Variants in MAF observed in about 807,000 individuals in gnomAD.
MAF encodes transcription factor Maf.
MAF carries 10 observed loss-of-function variants against 22.0 expected under a neutral mutation model. The observed-to-expected ratio is 0.45, with a 90% CI of 0.28 to 0.77. The LOEUF (loss-of-function observed/expected upper bound fraction) is 0.77, where lower values mean the gene tolerates loss of function less well. Among genes scored for constraint, MAF ranks in the 30% least tolerant of loss-of-function variants. The pLI is 0.12. For missense variants in MAF, 544 were observed against 548.4 expected (o/e 0.99, Z 0.08); for synonymous variants, 337 against 255.8 (o/e 1.32, Z -3.03).
At chr16:79,441,276 G>T in the MAF span, among the ~76,000 whole-genome samples, 1 of 152,182 alleles carries the variant, frequency 6.6e-6, no homozygotes, top group Admixed American at 6.5e-5. Context: ...ATTTTCCTAT[G>T]CTGGGAAGGC....
chr16:79,435,144 T>C, the MAF span, among the ~76,000 whole-genome samples: 1 of 152,138 alleles, frequency 6.6e-6, no homozygotes, highest in Non-Finnish European at 1.5e-5. Context: ...CTTACACATA[T>C]ACGCAGTACA....
chr16:79,471,937 G>A, the MAF span, among the ~76,000 whole-genome samples: 1 of 152,178 alleles, frequency 6.6e-6, no homozygotes, highest in African/African-American at 2.4e-5. Flanking sequence ...CTTGCTAAGT[G>A]CAGACATGCT....
chr16:79,417,060 T>G, the MAF span, among the ~76,000 whole-genome samples: 2 of 152,194 alleles, frequency 1.3e-5, no homozygotes, highest in African/African-American at 4.8e-5. Flanking sequence ...TGAGCCGAAC[T>G]CACAGACGGA....
rs1555530137 is a variant in MAF, at chr16:79,599,926, C to T, written c.-24G>A. The T allele has an allele frequency of 2.5e-6, 4 of 1,592,314 alleles. No homozygotes were observed. Among genetic ancestry groups the T allele is most frequent in the South Asian group, 2.2e-5 (2 of 90,776 alleles). On this transcript the variant is annotated 5_prime_UTR_variant, in exon 1 of 2. Coordinates refer to ENST00000326043, the MANE Select transcript of MAF (RefSeq NM_005360.5). ...ATTCTCCTGCCGCCGCCGCCGCCGC[C>T]GCCGCCGCTCCGCCAGATGGGCTGC...
the MAF span, among the ~76,000 whole-genome samples, chr16:79,277,241 C>T: frequency 6.6e-6 from 1 of 152,128 alleles, no homozygotes; most frequent in African/African-American, 2.4e-5. Flanking sequence ...AACCTGATTA[C>T]ATCTGCAAAG....
chr16:79,396,719 A>G, the MAF span, among the ~76,000 whole-genome samples: 9 of 152,210 alleles, frequency 5.9e-5, no homozygotes, highest in Non-Finnish European at 1.3e-4. Context: ...TCACTGGAGC[A>G]TCTTTCAAAC....
the MAF span, among the ~76,000 whole-genome samples, chr16:79,514,062 AT>A: frequency 3.3e-4 from 50 of 152,260 alleles, no homozygotes; most frequent in Admixed American, 6.5e-4. Flanking sequence ...CTTCCCCTAC[AT>A]TTTAGTAAGT....
At chr16:79,557,801 T>C in the MAF span, among the ~76,000 whole-genome samples, 2 of 151,954 alleles carry the variant, frequency 1.3e-5, no homozygotes, top group Non-Finnish European at 2.9e-5. Flanking sequence ...GGCAAAGATA[T>C]AAGATGAGAA....
At chr16:79,537,547 G>A in the MAF span, among the ~76,000 whole-genome samples, 12 of 152,278 alleles carry the variant, frequency 7.9e-5, no homozygotes, top group East Asian at 1.9e-3. Flanking sequence ...GTTCCTGACC[G>A]AACCTGGCTA....
chr16:79,401,996 C>T, the MAF span, among the ~76,000 whole-genome samples: 5 of 152,110 alleles, frequency 3.3e-5, no homozygotes, highest in African/African-American at 1.2e-4. Flanking sequence ...GACCCTGAGG[C>T]CAAAGAGGTT....
At chr16:79,262,757 G>A in the MAF span, among the ~76,000 whole-genome samples, 7 of 152,154 alleles carry the variant, frequency 4.6e-5, no homozygotes, top group African/African-American at 1.7e-4. Flanking sequence ...GAGCCCCTTT[G>A]TTGGTAATGG....
chr16:79,474,804 A>G, the MAF span, among the ~76,000 whole-genome samples: 1 of 152,188 alleles, frequency 6.6e-6, no homozygotes, highest in African/African-American at 2.4e-5. Context: ...AATCAAGGAT[A>G]AGATTCCTCC....
At chr16:79,284,144 C>T in the MAF span, among the ~76,000 whole-genome samples, 2 of 152,090 alleles carry the variant, frequency 1.3e-5, no homozygotes, top group African/African-American at 2.4e-5. Flanking sequence ...AGCAGAACAC[C>T]ACTGACCCTT....
At chr16:79,500,892 A>G in the MAF span, among the ~76,000 whole-genome samples, 30 of 152,194 alleles carry the variant, frequency 2.0e-4, no homozygotes, top group African/African-American at 6.7e-4. Context: ...GACTCAAAAT[A>G]CTGCAAGCCC....
chr16:79,459,146 A>G, the MAF span, among the ~76,000 whole-genome samples: 1 of 152,224 alleles, frequency 6.6e-6, no homozygotes. Context: ...GACAAGGAGC[A>G]GTTGATCAGA....
chr16:79,581,720 T>C (rs1446716079), downstream of MAF, among the ~76,000 whole-genome samples: 2 of 152,222 alleles, frequency 1.3e-5, no homozygotes, highest in East Asian at 3.9e-4. Context: ...AACACAATCC[T>C]ACCGACAAAA....
chr16:79,221,973 C>T, the MAF span, among the ~76,000 whole-genome samples: 2 of 151,966 alleles, frequency 1.3e-5, no homozygotes, highest in Admixed American at 6.6e-5. Context: ...GACAGAGAAA[C>T]GTTTTTCTTA....
chr16:79,408,534 T>A, the MAF span, among the ~76,000 whole-genome samples: 7,207 of 152,216 alleles, frequency 0.047, 529 homozygotes, highest in African/African-American at 0.16. Context: ...TTAAGTTCGC[T>A]GCACCTCAGT....
chr16:79,319,460 T>A, the MAF span, among the ~76,000 whole-genome samples: 1 of 152,190 alleles, frequency 6.6e-6, no homozygotes, highest in East Asian at 1.9e-4. Context: ...TGGATTAAAT[T>A]AACACTGACC....
Sources: allele counts gnomAD v4.1 joint callset (sites outside exome capture counted in the v4.1 genomes callset), GRCh38; gene constraint gnomAD v4.1.1; transcripts MANE v1.5; gene names NCBI Gene and HGNC (gene_info 2026-07-23, HGNC 2026-07-21).